Variants in RGS6 observed in about 807,000 individuals in gnomAD.
RGS6 encodes the protein regulator of G protein signaling 6.
A neutral mutation model predicts 78.5 loss-of-function variants in RGS6; 30 were observed. The ratio of observed to expected loss-of-function variants is 0.38; its 90% CI spans 0.29 to 0.52. RGS6 has a LOEUF of 0.52. Among genes scored for constraint, RGS6 ranks in the 20% least tolerant of loss-of-function variants. RGS6 has a pLI of 0.85. For synonymous variants in RGS6, 206 were observed against 206.0 expected (o/e 1.00, Z 0.00); for missense variants, 495 against 609.7 (o/e 0.81, Z 1.98).
At chr14:72,332,786 C>T (rs1425178945) in intron 2 of RGS6, among the ~76,000 whole-genome samples, 1 of 152,222 alleles carries the variant, frequency 6.6e-6, no homozygotes, top group Non-Finnish European at 1.5e-5. Context: ...TGGGGAAAAG[C>T]CTTCCTCGGG....
chr14:72,254,410 A>G (rs564411101), intron 2 of RGS6, among the ~76,000 whole-genome samples: 1 of 152,150 alleles, frequency 6.6e-6, no homozygotes, highest in Admixed American at 6.5e-5. Flanking sequence ...GTTGGCTCAG[A>G]CCTGTAGCTT....
At chr14:71,991,247 C>T (rs934765416) in intron 2 of RGS6, among the ~76,000 whole-genome samples, 2 of 152,174 alleles carry the variant, frequency 1.3e-5, no homozygotes, top group South Asian at 2.1e-4. Flanking sequence ...AAACCTTGCA[C>T]AGTTATTTAT....
chr14:72,462,728 T>C (rs1383799283), intron 6 of RGS6, among the ~76,000 whole-genome samples: 1 of 152,208 alleles, frequency 6.6e-6, no homozygotes, highest in East Asian at 1.9e-4. Flanking sequence ...TGGTCCTCGA[T>C]TCTAATTCCA....
At chr14:71,895,455 G>A in the RGS6 span, among the ~76,000 whole-genome samples, 1 of 152,142 alleles carries the variant, frequency 6.6e-6, no homozygotes, top group East Asian at 1.9e-4. Context: ...CCAAAGTGCT[G>A]GGATTACAGG....
chr14:72,108,634 T>A (rs1187924942), intron 2 of RGS6, among the ~76,000 whole-genome samples: 1 of 152,036 alleles, frequency 6.6e-6, no homozygotes, highest in African/African-American at 2.4e-5. Context: ...TTTAAAAAAA[T>A]TTAATTTCCC....
At chr14:72,479,169 C>A (rs1043043464) in intron 12 of RGS6, among the ~76,000 whole-genome samples, 6 of 152,256 alleles carry the variant, frequency 3.9e-5, no homozygotes, top group African/African-American at 1.4e-4. Flanking sequence ...CATCTATAAG[C>A]CTGTAAGCCT....
intron 13 of RGS6, among the ~76,000 whole-genome samples, chr14:72,506,077 G>A (rs573735898): frequency 2.0e-5 from 3 of 152,292 alleles, no homozygotes; most frequent in Non-Finnish European, 2.9e-5. Context: ...TCCAGCTAGC[G>A]ATTAGAAAAC....
At chr14:72,537,440 G>A in intron 16 of RGS6, 1 of 702,126 alleles carries the variant, frequency 1.4e-6, no homozygotes, top group East Asian at 2.7e-5. Flanking sequence ...AGGCCATGGA[G>A]TCTGAGAAAG....
chr14:72,368,018 A>G (rs2082755316), intron 3 of RGS6, among the ~76,000 whole-genome samples: 1 of 152,126 alleles, frequency 6.6e-6, no homozygotes, highest in South Asian at 2.1e-4. Context: ...AATTTAGGCC[A>G]CCAGTTTTGT....
At chr14:71,901,443 T>C in the RGS6 span, among the ~76,000 whole-genome samples, 2 of 152,252 alleles carry the variant, frequency 1.3e-5, no homozygotes, top group Non-Finnish European at 2.9e-5. Flanking sequence ...TTATTCATGT[T>C]GTTATTTTCC....
At chr14:72,550,595 C>T in intron 17 of RGS6, 1 of 1,534,964 alleles carries the variant, frequency 6.5e-7, no homozygotes. Context: ...TGGGGGAATT[C>T]TGATACGTGC....
intron 3 of RGS6, among the ~76,000 whole-genome samples, chr14:72,395,811 C>T (rs181809023): frequency 3.4e-4 from 52 of 151,980 alleles, no homozygotes; most frequent in South Asian, 1.0e-3. Flanking sequence ...CGATAGTTTG[C>T]TGAGAATGAT....
At chr14:72,282,008 A>G (rs962224746) in intron 2 of RGS6, among the ~76,000 whole-genome samples, 3 of 152,256 alleles carry the variant, frequency 2.0e-5, no homozygotes, top group African/African-American at 4.8e-5. Flanking sequence ...CTATAAAACT[A>G]TCACTTATGG....
At position 72,336,653 on chromosome 14, in the gene RGS6, G is replaced by C. The variant is rs760229102; in HGVS notation, c.85-15442G>C. On this transcript the variant is annotated intron_variant, in intron 2 of 17. Coordinates refer to ENST00000553525, the MANE Select transcript of RGS6 (RefSeq NM_001204424.2). ...AGAGTTGGAAAAAAATAATTTCTAT[G>C]ATCTGCAAAGTCATTTCAGGAGTAC... Among the ~76,000 whole-genome samples the C allele has an allele frequency of 2.0e-4, 30 of 152,290 alleles. No homozygotes were observed. The Middle Eastern group carries it at 0.014, about 69-fold the overall frequency.
intron 2 of RGS6, among the ~76,000 whole-genome samples, chr14:72,247,676 A>G (rs1218197182): frequency 6.6e-6 from 1 of 152,208 alleles, no homozygotes; most frequent in Non-Finnish European, 1.5e-5. Context: ...TTCAAAGAGT[A>G]ATTTGGTCAA....
intron 2 of RGS6, among the ~76,000 whole-genome samples, chr14:72,271,331 G>A (rs576987656): frequency 2.0e-5 from 3 of 152,246 alleles, no homozygotes; most frequent in African/African-American, 4.8e-5. Context: ...CTTGTGCAGG[G>A]GAACTCCCAT....
At chr14:72,217,304 G>T (rs900039474) in intron 2 of RGS6, among the ~76,000 whole-genome samples, 2 of 152,200 alleles carry the variant, frequency 1.3e-5, no homozygotes, top group Non-Finnish European at 2.9e-5. Flanking sequence ...TGGGAGGATG[G>T]TTGCATTTAG....
chr14:72,009,855 T>A (rs2085318476), intron 2 of RGS6, among the ~76,000 whole-genome samples: 1 of 152,244 alleles, frequency 6.6e-6, no homozygotes, highest in Non-Finnish European at 1.5e-5. Context: ...AAATATTTGT[T>A]GAGTGACTTG....
chr14:72,183,151 G>C (rs1253128674), intron 2 of RGS6, among the ~76,000 whole-genome samples: 2 of 152,118 alleles, frequency 1.3e-5, no homozygotes, highest in Admixed American at 1.3e-4. Flanking sequence ...GATAAGGTAG[G>C]CTTACTTTAT....
Sources: allele counts gnomAD v4.1 joint callset (sites outside exome capture counted in the v4.1 genomes callset), GRCh38; gene constraint gnomAD v4.1.1; transcripts MANE v1.5; gene names NCBI Gene and HGNC (gene_info 2026-07-23, HGNC 2026-07-21).